The following WASHC5 variants were observed in gnomAD, a reference collection of about 807,000 sequenced individuals.
WASHC5 encodes WASH complex subunit strumpellin.
WASHC5 carries 101 observed loss-of-function variants against 150.4 expected under a neutral mutation model. That is an observed-to-expected ratio of 0.67 (90% CI 0.57 to 0.79). The LOEUF (loss-of-function observed/expected upper bound fraction) is 0.79, where lower values mean the gene tolerates loss of function less well. Ranked by LOEUF, WASHC5 falls within the 30% of genes least tolerant of loss-of-function variation. WASHC5 has a pLI of 0.00. For missense variants in WASHC5, 1,195 were observed against 1,396.3 expected (o/e 0.86, Z 2.30); for synonymous variants, 467 against 491.2 (o/e 0.95, Z 0.65).
chr8:125,091,293 T>C (rs1448727672), intron 1 of WASHC5, among the ~76,000 whole-genome samples: 2 of 152,106 alleles, frequency 1.3e-5, no homozygotes, highest in African/African-American at 4.8e-5. Flanking sequence ...CTACTAGCCT[T>C]TCAGTTTTCT....
At chr8:125,089,681 G>A (rs1817538132) in intron 1 of WASHC5, among the ~76,000 whole-genome samples, 1 of 152,204 alleles carries the variant, frequency 6.6e-6, no homozygotes, top group Non-Finnish European at 1.5e-5. Flanking sequence ...CAGAAGGACA[G>A]ACAGACTCAG....
chr8:125,050,816 T>C (rs1354558688), intron 17 of WASHC5, 151 bp from the exon 18 acceptor site: 7 of 673,264 alleles, frequency 1.0e-5, no homozygotes, highest in Middle Eastern at 2.4e-4. Flanking sequence ...GTCCCTGTGA[T>C]CTTGCACAGC....
At chr8:125,083,637 CAG>C in intron 2 of WASHC5, 74 bp downstream of exon 2, 4 of 1,176,348 alleles carry the variant, frequency 3.4e-6, no homozygotes, top group South Asian at 2.6e-5. Context: ...CTTAACCTTA[CAG>C]AGTTTCATGG....
At chr8:125,065,197 G>C (rs1816710890) in intron 10 of WASHC5, among the ~76,000 whole-genome samples, 1 of 152,152 alleles carries the variant, frequency 6.6e-6, no homozygotes. Context: ...TGTGTCTATA[G>C]GATAGTCAGA....
At chr8:125,082,655 G>C (rs754202549) in intron 3 of WASHC5, among the ~76,000 whole-genome samples, 188 bp from the exon 4 acceptor site, 2 of 152,170 alleles carry the variant, frequency 1.3e-5, no homozygotes, top group East Asian at 1.9e-4. Flanking sequence ...GATATTTATC[G>C]CTGTTCCAAG....
chr8:125,044,517 T>C lies in WASHC5; in HGVS notation c.2667+19A>G. ...CCCCCAGGGTGGCAGAAAACAGGCA[T>C]GAAAGTCAAAAGGCTCACCTGTAAC... On this transcript the variant is annotated intron_variant, in intron 21 of 28. Coordinates refer to ENST00000318410, the MANE Select transcript of WASHC5 (RefSeq NM_014846.4). The C allele has an allele frequency of 1.2e-6, 2 of 1,613,658 alleles. No individual in the cohort carries two copies. The highest frequency in any genetic ancestry group is 1.3e-5 in the African/African-American group (1 of 75,024).
intron 25 of WASHC5, among the ~76,000 whole-genome samples, chr8:125,038,548 G>A (rs1417026376): frequency 1.3e-5 from 2 of 152,204 alleles, no homozygotes; most frequent in Non-Finnish European, 2.9e-5. Flanking sequence ...CTTGATGACT[G>A]AACGGCAAAC....
intron 6 of WASHC5, among the ~76,000 whole-genome samples, chr8:125,078,481 A>G (rs1303298368): frequency 6.6e-6 from 1 of 152,116 alleles, no homozygotes; most frequent in Non-Finnish European, 1.5e-5. Context: ...CTCAACAACC[A>G]TTTCTTGAAT....
At chr8:125,088,641 TG>T (rs1817498175) in intron 1 of WASHC5, among the ~76,000 whole-genome samples, 1 of 151,850 alleles carries the variant, frequency 6.6e-6, no homozygotes. Flanking sequence ...TGAGTGAACT[TG>T]AAAGTAGATC....
chr8:125,079,172 A>T (rs2130194332), intron 5 of WASHC5, among the ~76,000 whole-genome samples: 2 of 113,374 alleles, frequency 1.8e-5, no homozygotes, highest in African/African-American at 3.4e-5. Context: ...CTCGCTATGT[A>T]TGTATATATA....
At position 125,024,335 on chromosome 8, in the gene WASHC5, G is replaced by T. The variant is rs1191304077; in HGVS notation, c.*282C>A. Reference sequence around the variant, plus strand: ...GTTCTTTAGAACATAAAACTAAATGGATTTATACATAACAGTTACATTCAG... The same window carrying T: ...GTTCTTTAGAACATAAAACTAAATGTATTTATACATAACAGTTACATTCAG... On this transcript the variant is annotated 3_prime_UTR_variant, in exon 29 of 29. Transcript: ENST00000318410. The T allele has an allele frequency of 6.3e-6, 3 of 476,280 alleles. No individual in the cohort carries two copies. The highest frequency in any genetic ancestry group is 1.1e-5 in the Non-Finnish European group (3 of 261,580). 29.5% of individuals were successfully genotyped at this position (476,280 alleles called of 1,614,324 possible). A position where few individuals can be genotyped will look rare whatever the true frequency, so the allele number is the denominator to read the frequency against.
At chr8:125,057,800 C>T (rs1249448567) in intron 14 of WASHC5, 134 bp from the exon 15 acceptor site, 2 of 636,322 alleles carry the variant, frequency 3.1e-6, no homozygotes, top group Non-Finnish European at 5.3e-6. Flanking sequence ...TCTGACAATA[C>T]AGTTTTTGAA....
chr8:125,054,524 G>C lies in WASHC5; in HGVS notation c.2097+1067C>G, dbSNP rs139250185. ...ACAGGAGCTTGCATGCCCCAGTGAT[G>C]ATAGTGGTCTGTTAAAAGACGGATA... is the stretch of plus-strand genomic sequence containing the variant. On this transcript the variant is annotated intron_variant, in intron 17 of 28. Transcript: ENST00000318410. 6.9e-3 allele frequency among the ~76,000 whole-genome samples: 1,047 copies of C among 152,330 alleles called. 7 individuals carry two copies. Among genetic ancestry groups the C allele is most frequent in the African/African-American group, 0.024 (984 of 41,580 alleles).
intron 8 of WASHC5, among the ~76,000 whole-genome samples, chr8:125,073,630 AC>A (rs1816968588): frequency 6.6e-6 from 1 of 152,234 alleles, no homozygotes; most frequent in Non-Finnish European, 1.5e-5. Context: ...TGACATATGG[AC>A]TATAGTTCTA....
At chr8:125,044,841 C>T in intron 20 of WASHC5, 143 bp from the exon 21 acceptor site, 1 of 839,120 alleles carries the variant, frequency 1.2e-6, no homozygotes, top group Non-Finnish European at 2.0e-6. Flanking sequence ...TATTCAGGCA[C>T]CCAATGCGTC....
rs1323241984 is a variant in WASHC5 at position 125,070,058 on chromosome 8, T to C, written c.1151-2339A>G. Among the ~76,000 whole-genome samples the C allele has an allele frequency of 4.6e-5, 7 of 152,188 alleles. No individual in the cohort carries two copies. In the East Asian group the frequency reaches 1.2e-3, roughly 25 times the overall value. ...CTCTCTCAGATCTGACCCTTAAGGA[T>C]TCATACCCAGAGAACTGCAGAGCCA... On this transcript the variant is annotated intron_variant, in intron 9 of 28. Transcript: ENST00000318410.
chr8:125,070,518 T>G (rs1816867196), intron 9 of WASHC5, among the ~76,000 whole-genome samples: 1 of 152,188 alleles, frequency 6.6e-6, no homozygotes, highest in Admixed American at 6.5e-5. Flanking sequence ...ACACAGAAGA[T>G]GAAGATGAGG....
chr8:125,042,756 T>C (rs1234938737), intron 23 of WASHC5, among the ~76,000 whole-genome samples: 8 of 152,146 alleles, frequency 5.3e-5, no homozygotes, highest in African/African-American at 1.9e-4. Flanking sequence ...AAGCGCTTAA[T>C]ATCTGACAAT....
intron 13 of WASHC5, 30 bp from the exon 14 acceptor site, chr8:125,059,327 T>C (rs1816513021): frequency 6.2e-7 from 1 of 1,613,586 alleles, no homozygotes. Context: ...GGTAAGAAGA[T>C]GTTCCTAGGG....
Sources: allele counts gnomAD v4.1 joint callset (sites outside exome capture counted in the v4.1 genomes callset), GRCh38; gene constraint gnomAD v4.1.1; transcripts MANE v1.5; gene names NCBI Gene and HGNC (gene_info 2026-07-23, HGNC 2026-07-21).